The following ANXA4 variants were observed in gnomAD, a reference collection of about 807,000 sequenced individuals.
ANXA4 encodes the protein 35-beta calcimedin.
ANXA4 carries 39 observed loss-of-function variants against 49.8 expected under a neutral mutation model. The observed-to-expected ratio is 0.78, with a 90% CI of 0.61 to 1.02. The LOEUF (loss-of-function observed/expected upper bound fraction) is 1.02. Among genes scored for constraint, ANXA4 ranks in the 50% least tolerant of loss-of-function variants. The pLI is 0.00. For missense variants in ANXA4, 360 were observed against 410.1 expected, an observed-to-expected ratio of 0.88 and a Z score of 1.05; for synonymous variants, 134 against 152.5, an observed-to-expected ratio of 0.88 and a Z score of 0.89.
chr2:69,824,512 A>G (rs966257459), intron 12 of ANXA4, among the ~76,000 whole-genome samples: 31 of 152,124 alleles, frequency 2.0e-4, no homozygotes, highest in Admixed American at 1.7e-3. Flanking sequence ...CAGAAAAAAA[A>G]AAAAAAAAAG....
At chr2:69,804,702 T>G in intron 4 of ANXA4, 75 bp downstream of exon 4, 1 of 1,249,546 alleles carries the variant, frequency 8.0e-7, no homozygotes, top group Non-Finnish European at 1.1e-6. Flanking sequence ...CTGATCTAGG[T>G]TCCCGAAGTG....
chr2:69,812,741 TTTC>T, intron 8 of ANXA4, 32 bp downstream of exon 8: 1 of 1,606,780 alleles, frequency 6.2e-7, no homozygotes, highest in African/African-American at 1.3e-5. Flanking sequence ...TTCTTCCAGC[TTTC>T]TTCTCTTTCG....
intron 1 of ANXA4, among the ~76,000 whole-genome samples, chr2:69,765,422 C>T (rs1319925996): frequency 6.6e-6 from 1 of 152,088 alleles, no homozygotes; most frequent in Non-Finnish European, 1.5e-5. Context: ...GAATAGTAGC[C>T]ATTCTAATGG....
intron 2 of ANXA4, among the ~76,000 whole-genome samples, chr2:69,663,546 G>A (rs570613254): frequency 6.6e-6 from 1 of 152,078 alleles, no homozygotes; most frequent in African/African-American, 2.4e-5. Context: ...TGTAGTCCCT[G>A]CTTCTCCACA....
rs149191929 is a variant in ANXA4, at chr2:69,711,383, G to A, written n.767-9391G>A. ...CAGCAGTAAAAATGAATAAGCTACC[G>A]ATACATGTAACAGCATAGATAAATC... On this transcript the variant is annotated intron_variant and non_coding_transcript_variant, in intron 2 of 3. Coordinates refer to the ANXA4 transcript ENST00000418066. Among the ~76,000 whole-genome samples the A allele has an allele frequency of 1.8e-3, 277 of 152,268 alleles. 3 individuals carry two copies. The highest frequency in any genetic ancestry group is 3.4e-3 in the Middle Eastern group (1 of 294).
chr2:69,781,599 T>C (rs369216704), intron 2 of ANXA4, 25 bp downstream of exon 2: 41 of 1,613,746 alleles, frequency 2.5e-5, no homozygotes, highest in African/African-American at 6.7e-5. Flanking sequence ...ACCTCAACCC[T>C]ATCTGGTGCC....
chr2:69,820,846 G>A (rs1164824642), intron 12 of ANXA4, 25 bp downstream of exon 12: 10 of 1,610,916 alleles, frequency 6.2e-6, no homozygotes, highest in Non-Finnish European at 8.5e-6. Context: ...CCTAAGTCCA[G>A]AGTAAAGGAT....
Position 69,798,792 on chromosome 2 carries a change from C to G in ANXA4, c.98-5741C>G, listed in dbSNP as rs545655439. 1.2e-4 allele frequency among the ~76,000 whole-genome samples: 18 copies of G among 152,312 alleles called. No homozygotes were observed. The South Asian group carries it at 3.7e-3, about 32-fold the overall frequency. ...AGAGTCCGCTCCTTTACTCACCATT[C>G]TGATGAAGTCACCTTCAAATCCCAG... On this transcript the variant is annotated intron_variant, in intron 3 of 12. Transcript: ENST00000394295.
chr2:69,644,318 G>A (rs1267831642), upstream of ANXA4: 2 of 152,186 alleles, frequency 1.3e-5, no homozygotes, highest in Non-Finnish European at 2.9e-5. Context: ...AGCCCCTAGC[G>A]GGTCCTGTGG....
At chr2:69,777,553 A>G (rs1672009956) in intron 1 of ANXA4, among the ~76,000 whole-genome samples, 2 of 152,242 alleles carry the variant, frequency 1.3e-5, no homozygotes, top group Admixed American at 6.5e-5. Flanking sequence ...TACCAGGAAC[A>G]GGAGGAGAAC....
intron 1 of ANXA4, among the ~76,000 whole-genome samples, chr2:69,754,084 C>T (rs1011397250): frequency 6.6e-6 from 1 of 152,222 alleles, no homozygotes; most frequent in Non-Finnish European, 1.5e-5. Context: ...AATATCAGAT[C>T]TGGCCTACCA....
intron 2 of ANXA4, among the ~76,000 whole-genome samples, chr2:69,681,786 CT>C (rs1319705879): frequency 1.3e-5 from 2 of 151,548 alleles, no homozygotes; most frequent in African/African-American, 4.8e-5. Flanking sequence ...TAATTCTGCT[CT>C]GATCTTTATT....
intron 1 of ANXA4, among the ~76,000 whole-genome samples, chr2:69,753,076 G>A (rs911703883): frequency 1.3e-5 from 2 of 152,108 alleles, no homozygotes; most frequent in Non-Finnish European, 2.9e-5. Context: ...CCTGCAATTC[G>A]TAATAGTTCT....
At chr2:69,713,488 C>T (rs1201018052) in intron 2 of ANXA4, 1 of 152,192 alleles carries the variant, frequency 6.6e-6, no homozygotes, top group East Asian at 1.9e-4. Flanking sequence ...GGTGTAAAAA[C>T]ACTTCTACCA....
rs536953289 is a variant in ANXA4 at position 69,708,989 on chromosome 2, A to G, written n.767-11785A>G. On this transcript the variant is annotated intron_variant and non_coding_transcript_variant, in intron 2 of 3. Transcript: ENST00000418066. ...TTCTTTGTCTCTTAGGTCACTCATC[A>G]GCAAACATATATAGTGTGTCTGCCT... Among the ~76,000 whole-genome samples the G allele has an allele frequency of 5.9e-5, 9 of 152,334 alleles. No individual in the cohort carries two copies. In the South Asian group the frequency reaches 1.9e-3, roughly 32 times the overall value.
chr2:69,751,006 T>C (rs980185001), intron 1 of ANXA4, among the ~76,000 whole-genome samples: 1 of 152,212 alleles, frequency 6.6e-6, no homozygotes, highest in African/African-American at 2.4e-5. Flanking sequence ...GTGTCTTCTA[T>C]GATCCTGACC....
rs533355992 is a variant in ANXA4 at position 69,659,988 on chromosome 2, CAA to C, written n.766+6708_766+6709del. Among the ~76,000 whole-genome samples the C allele has an allele frequency of 3.7e-3, 568 of 152,204 alleles. 2 individuals carry two copies. The highest frequency in any genetic ancestry group is 0.013 in the African/African-American group (544 of 41,524). On this transcript the variant is annotated intron_variant and non_coding_transcript_variant, in intron 2 of 3. Coordinates refer to the ANXA4 transcript ENST00000418066. ...TAATCCTGTGTGAAGCTGGAACTCT[CAA>C]AGAGTGGCACCCTCAGTGAAAGGAC...
intron 1 of ANXA4, among the ~76,000 whole-genome samples, chr2:69,769,640 G>A (rs1476297191): frequency 2.0e-5 from 3 of 152,142 alleles, no homozygotes; most frequent in African/African-American, 2.4e-5. Flanking sequence ...GAAGGCGTGG[G>A]ATGTTTTAAA....
chr2:69,751,985 A>G (rs900513395), intron 1 of ANXA4, among the ~76,000 whole-genome samples: 1 of 152,238 alleles, frequency 6.6e-6, no homozygotes, highest in Non-Finnish European at 1.5e-5. Flanking sequence ...TATGATCAGT[A>G]TAATAATTTG....
Sources: allele counts gnomAD v4.1 joint callset (sites outside exome capture counted in the v4.1 genomes callset), GRCh38; gene constraint gnomAD v4.1.1; transcripts MANE v1.5; gene names NCBI Gene and HGNC (gene_info 2026-07-23, HGNC 2026-07-21).